Variants in SLC22A9 observed in about 807,000 individuals in gnomAD.
The protein encoded by SLC22A9 is organic anion transporter 7.
In SLC22A9, 64 loss-of-function variants were observed where a neutral mutation model predicts 50.1. The ratio of observed to expected loss-of-function variants is 1.28; its 90% CI spans 1.04 to 1.57. The LOEUF is 1.57. Among genes scored for constraint, SLC22A9 ranks in the 40% most tolerant of loss-of-function variants. SLC22A9 has a pLI of 0.00. For missense variants in SLC22A9, 757 were observed against 676.1 expected (o/e 1.12, Z -1.33); for synonymous variants, 261 against 242.5 (o/e 1.08, Z -0.71).
chr11:63,376,786 T>G (rs1341470575), intron 5 of SLC22A9, among the ~76,000 whole-genome samples: 1 of 151,148 alleles, frequency 6.6e-6, no homozygotes, highest in Non-Finnish European at 1.5e-5. Flanking sequence ...TACACCCAAT[T>G]GTATACTGAC....
At chr11:63,374,755 A>G (rs1488439657) in intron 4 of SLC22A9, among the ~76,000 whole-genome samples, 7 of 151,992 alleles carry the variant, frequency 4.6e-5, no homozygotes, top group Non-Finnish European at 8.8e-5. Context: ...CATGATGGAG[A>G]AGTTTGGGAT....
At chr11:63,385,955 T>C (rs925153934) in intron 6 of SLC22A9, among the ~76,000 whole-genome samples, 1 of 152,208 alleles carries the variant, frequency 6.6e-6, no homozygotes, top group Non-Finnish European at 1.5e-5. Context: ...CTTATAATTT[T>C]AAGGTATGTT....
intron 5 of SLC22A9, among the ~76,000 whole-genome samples, chr11:63,379,607 T>C (rs115152253): frequency 0.01 from 1,582 of 152,236 alleles, 24 homozygotes; most frequent in African/African-American, 0.037. Context: ...GGAGAAAATA[T>C]TTGCAAACTG....
intron 2 of SLC22A9, among the ~76,000 whole-genome samples, chr11:63,371,692 G>T (rs944041900): frequency 6.6e-6 from 1 of 152,164 alleles, no homozygotes; most frequent in African/African-American, 2.4e-5. Context: ...AACCTGTAGG[G>T]TATATTTGAA....
At chr11:63,378,582 C>G (rs2014505326) in intron 5 of SLC22A9, among the ~76,000 whole-genome samples, 1 of 152,094 alleles carries the variant, frequency 6.6e-6, no homozygotes, top group African/African-American at 2.4e-5. Context: ...GTCAAAATAT[C>G]TCTCTTCACA....
At chr11:63,380,903 A>G (rs2119899916) in intron 5 of SLC22A9, among the ~76,000 whole-genome samples, 1 of 152,266 alleles carries the variant, frequency 6.6e-6, no homozygotes, top group East Asian at 1.9e-4. Flanking sequence ...TTGGAATCAA[A>G]AAAGAATGAT....
Position 63,408,703 on chromosome 11 carries a change from C to CT in SLC22A9, c.1428dup (p.Ala477CysfsTer2). Reference sequence around the variant, plus strand: ...CAAGAGCTATGGGGATCAATGCAACCTTTGCTAATATAGCAGGAGCCCTGG... The same window carrying CT: ...CAAGAGCTATGGGGATCAATGCAACCTTTTGCTAATATAGCAGGAGCCCTGG... On this transcript the variant is annotated frameshift_variant, in exon 9 of 10. Transcript: ENST00000279178. LOFTEE classifies it high-confidence loss of function. 1 of 1,613,894 alleles carries CT rather than the reference C, an allele frequency of 6.2e-7. No individual in the cohort carries two copies. Among genetic ancestry groups the CT allele is most frequent in the Non-Finnish European group, 8.5e-7 (1 of 1,179,870 alleles).
rs1447500025 is a variant in SLC22A9 at position 63,373,773 on chromosome 11, C to T, written c.636C>T (p.Ser212=). 6.2e-7 allele frequency: 1 copy of T among 1,611,720 alleles called. No homozygotes were observed. The highest frequency in any genetic ancestry group is 1.7e-5 in the Admixed American group (1 of 59,682). The change falls in exon 3 of 10, where the codon AGC becomes AGT. Residue 212 remains serine, a synonymous_variant. Coordinates refer to ENST00000279178, the MANE Select transcript of SLC22A9 (RefSeq NM_080866.3). The stretch of plus-strand genomic sequence containing the variant: ...TCTTGTCTGGGATTGCTGCAATGAG[C>T]CTCATAACAAATACTATTATGTTAA... ...LRFLSGIAAM[S]LITNTIMLIA... is the part of the protein sequence containing the mutation.
intron 6 of SLC22A9, among the ~76,000 whole-genome samples, chr11:63,397,546 C>T (rs977850030): frequency 2.6e-4 from 39 of 152,266 alleles, no homozygotes; most frequent in African/African-American, 9.4e-4. Flanking sequence ...CCTTTGAAAT[C>T]TATCTGGTGT....
chr11:63,370,370 TC>T lies in SLC22A9; in HGVS notation c.318del (p.Asn107ThrfsTer26). 1.2e-6 allele frequency: 2 copies of T among 1,613,948 alleles called. No individual in the cohort carries two copies. Among genetic ancestry groups the T allele is most frequent in the Non-Finnish European group, 1.7e-6 (2 of 1,179,870 alleles). On this transcript the variant is annotated frameshift_variant, in exon 1 of 10. Coordinates refer to ENST00000279178, the MANE Select transcript of SLC22A9 (RefSeq NM_080866.3). LOFTEE classifies it high-confidence loss of function. Reference protein sequence around the residue: ...QWQLLHLNGTFPNTSDADMEP... With the variant: ...QWQLLHLNGTXPNTSDADMEP... ...CAGCTCCTTCACCTGAATGGGACCTTCCCCAACACAAGTGACGCAGACATGG... is the reference window on the plus strand; with the variant it reads ...CAGCTCCTTCACCTGAATGGGACCTTCCCAACACAAGTGACGCAGACATGG...
chr11:63,386,505 C>A (rs1017129632), intron 6 of SLC22A9, among the ~76,000 whole-genome samples: 1 of 111,454 alleles, frequency 9.0e-6, no homozygotes, highest in East Asian at 3.0e-4. Context: ...CAGTTTAGAA[C>A]GTATTGGTCT....
chr11:63,378,242 T>A (rs570912981), intron 5 of SLC22A9, among the ~76,000 whole-genome samples: 70 of 150,488 alleles, frequency 4.7e-4, no homozygotes, highest in Non-Finnish European at 9.1e-4. Context: ...AAAAAAATTT[T>A]AAAAAAAGAA....
chr11:63,404,195 T>C (rs966464393), intron 6 of SLC22A9, among the ~76,000 whole-genome samples: 1 of 152,086 alleles, frequency 6.6e-6, no homozygotes, highest in Non-Finnish European at 1.5e-5. Context: ...ACCCAACATG[T>C]ATGAACCTTG....
intron 5 of SLC22A9, among the ~76,000 whole-genome samples, chr11:63,380,299 A>C (rs577563957): frequency 5.3e-5 from 8 of 152,310 alleles, no homozygotes; most frequent in South Asian, 2.1e-4. Context: ...AATAACTGAA[A>C]ATAAAATTAC....
intron 4 of SLC22A9, among the ~76,000 whole-genome samples, chr11:63,374,976 GCCAGT>G: frequency 3.9e-5 from 6 of 152,170 alleles, no homozygotes; most frequent in African/African-American, 1.4e-4. Context: ...CCTTAAAAAA[GCCAGT>G]TCAGTGAAAG....
At chr11:63,394,868 T>C (rs1352385473) in intron 6 of SLC22A9, among the ~76,000 whole-genome samples, 1 of 152,150 alleles carries the variant, frequency 6.6e-6, no homozygotes, top group African/African-American at 2.4e-5. Context: ...CAAATATTCT[T>C]AGGTTTGGTC....
At position 63,389,237 on chromosome 11, in the gene SLC22A9, C is replaced by T. The variant is rs149038369; in HGVS notation, c.1073+6960C>T. 6.1e-3 allele frequency among the ~76,000 whole-genome samples: 926 copies of T among 151,952 alleles called. 10 individuals carry two copies. Among genetic ancestry groups the T allele is most frequent in the African/African-American group, 0.021 (849 of 41,388 alleles). Reference sequence around the variant, plus strand: ...CATGCAGGTTTGTTTCATAGGTATACATGTGCCACAGTGGTTTGCTGCACC... The same window carrying T: ...CATGCAGGTTTGTTTCATAGGTATATATGTGCCACAGTGGTTTGCTGCACC... On this transcript the variant is annotated intron_variant, in intron 6 of 9. Coordinates refer to ENST00000279178, the MANE Select transcript of SLC22A9 (RefSeq NM_080866.3).
At chr11:63,379,806 A>C (rs578195579) in intron 5 of SLC22A9, among the ~76,000 whole-genome samples, 6 of 152,290 alleles carry the variant, frequency 3.9e-5, no homozygotes, top group African/African-American at 1.4e-4. Flanking sequence ...ATCTTGGCTC[A>C]CTGCAGCCTC....
intron 8 of SLC22A9, 27 bp downstream of exon 8, chr11:63,408,247 AG>A (rs1407515547): frequency 6.4e-7 from 1 of 1,573,770 alleles, no homozygotes; most frequent in Admixed American, 1.7e-5. Flanking sequence ...ATGCCCTGTC[AG>A]GTTCAAAATG....
Sources: gnomAD v4.1 joint callset for allele counts (sites outside exome capture counted in the v4.1 genomes callset) on GRCh38, gnomAD v4.1.1 for gene constraint, MANE v1.5 for transcripts, NCBI Gene and HGNC (gene_info 2026-07-23, HGNC 2026-07-21) for gene names.